Variants in METTL9 observed in about 807,000 individuals in gnomAD.
METTL9 encodes the protein methyltransferase 9, His-X-His N1(pi)-histidine.
In METTL9, 10 loss-of-function variants were observed where a neutral mutation model predicts 36.0. That is an observed-to-expected ratio of 0.28 (90% CI 0.17 to 0.47). The LOEUF is 0.47. Among genes scored for constraint, METTL9 ranks in the 20% least tolerant of loss-of-function variants. The pLI is 0.99. For missense variants in METTL9, 246 were observed against 383.5 expected (o/e 0.64, Z 3.00); for synonymous variants, 175 against 149.7 (o/e 1.17, Z -1.23).
chr16:21,613,833 GTT>G lies in METTL9; in HGVS notation c.356+1011_356+1012del, dbSNP rs11326723. Among the ~76,000 whole-genome samples, 29 of 134,040 alleles carry G rather than the reference GTT, an allele frequency of 2.2e-4. 1 individual carries two copies. Among genetic ancestry groups the G allele is most frequent in the Admixed American group, 3.0e-4 (4 of 13,400 alleles). The allele number at this position is 134,040 out of a possible 152,430, so 87.9% of individuals were successfully genotyped here. A position where few individuals can be genotyped will look rare whatever the true frequency, so the allele number is the denominator to read the frequency against. On this transcript the variant is annotated intron_variant, in intron 2 of 4. Transcript: ENST00000358154. ...AGAAAAAGCTTTAGGAGTTTTTTTT[GTT>G]TTTTTTTTTTTTCAATCCTTTCTTG...
intron 2 of METTL9, among the ~76,000 whole-genome samples, chr16:21,614,907 T>C (rs1965515339): frequency 6.6e-6 from 1 of 152,192 alleles, no homozygotes; most frequent in African/African-American, 2.4e-5. Flanking sequence ...TCATGGTTTG[T>C]GTTTATGGGA....
Position 21,640,660 on chromosome 16 carries a change from G to A in METTL9, c.752-14567G>A, listed in dbSNP as rs1055784181. The A allele has an allele frequency of 2.7e-5, 4 of 150,692 alleles. No homozygotes were observed. In the East Asian group the frequency reaches 7.8e-4, roughly 29 times the overall value. The allele number at this position is 150,692 out of a possible 1,614,324, so 9.3% of individuals were successfully genotyped here. ...TGCGTACCTGTAATCCCAGCTACTTGGGAAACTGAGGCAGAAGAATGGCAT... is the reference window on the plus strand; with the variant it reads ...TGCGTACCTGTAATCCCAGCTACTTAGGAAACTGAGGCAGAAGAATGGCAT... On this transcript the variant is annotated intron_variant, in intron 4 of 4. Transcript: ENST00000358154.
At chr16:21,617,272 G>A (rs1239573090) in intron 2 of METTL9, among the ~76,000 whole-genome samples, 1 of 151,746 alleles carries the variant, frequency 6.6e-6, no homozygotes, top group African/African-American at 2.4e-5. Context: ...CAAAAAATTA[G>A]TCAGGTGTGG....
chr16:21,602,463 G>T (rs1198784329), intron 1 of METTL9, among the ~76,000 whole-genome samples: 3 of 152,130 alleles, frequency 2.0e-5, no homozygotes, highest in African/African-American at 7.2e-5. Flanking sequence ...TTCACTTTGG[G>T]CAAGCAAGAA....
At chr16:21,624,012 G>A (rs941169069) in intron 3 of METTL9, among the ~76,000 whole-genome samples, 23 of 152,054 alleles carry the variant, frequency 1.5e-4, no homozygotes, top group Non-Finnish European at 2.9e-4. Context: ...CTCATGATCC[G>A]CCTGCCTTGG....
chr16:21,622,141 C>CTTTTTTTTTTT (rs541282506), intron 3 of METTL9, among the ~76,000 whole-genome samples: 400 of 34,916 alleles, frequency 0.011, 106 homozygotes, highest in African/African-American at 0.02. Context: ...CATGCCTGGC[C>CTTTTTTTTTTT]TTTTTTTTTT....
intron 4 of METTL9, among the ~76,000 whole-genome samples, chr16:21,626,119 G>T (rs947031473): frequency 2.6e-5 from 4 of 152,072 alleles, no homozygotes; most frequent in African/African-American, 9.7e-5. Flanking sequence ...GACCAGGCTG[G>T]TCTCTAACTC....
chr16:21,624,497 CA>C (rs1965776329), intron 3 of METTL9, among the ~76,000 whole-genome samples: 1 of 152,086 alleles, frequency 6.6e-6, no homozygotes, highest in African/African-American at 2.4e-5. Flanking sequence ...GAGGCCGAGG[CA>C]GTCGGATCGC....
intron 4 of METTL9, chr16:21,647,521 ATGGGCCTGCCACCTCACTT>A (rs747653210): frequency 6.3e-7 from 1 of 1,585,344 alleles, no homozygotes; most frequent in South Asian, 1.1e-5. Context: ...GAGTGGGTTA[ATGGGCCTGCCACCTCACTT>A]TGTGCTTTTA....
Position 21,599,813 on chromosome 16 carries a change from C to A in METTL9, c.80C>A (p.Pro27Gln), listed in dbSNP as rs912336081. ...CGGAGGATGTGGACGCTGCGGAGCCCGCTCACCCGCTCCCTGTACGTGAAC... is the reference window on the plus strand; with the variant it reads ...CGGAGGATGTGGACGCTGCGGAGCCAGCTCACCCGCTCCCTGTACGTGAAC... ...LARRMWTLRS[P>Q]LTRSLYVNMT... is the part of the protein sequence containing the mutation. Residue 27 changes from proline to glutamine, a missense_variant, in exon 1 of 5, where the codon CCG (proline) becomes CAG (glutamine). Around this residue, in one of 2 missense-constraint regions of METTL9, gnomAD observed 100 missense variants for 81.4 expected, o/e 1.23. Transcript: ENST00000358154. The surrounding 1 kb of genome is among the most constrained non-coding windows in gnomAD (Gnocchi z 4.4). 5.2e-6 allele frequency: 8 copies of A among 1,546,006 alleles called. No homozygotes were observed. The highest frequency in any genetic ancestry group is 2.7e-5 in the East Asian group (1 of 37,598).
chr16:21,630,375 G>C (rs373047688), intron 4 of METTL9, among the ~76,000 whole-genome samples: 1 of 152,230 alleles, frequency 6.6e-6, no homozygotes, highest in South Asian at 2.1e-4. Flanking sequence ...CTCTGGCCTC[G>C]GCCAGCCCCA....
chr16:21,614,487 T>G (rs1385613930), intron 2 of METTL9, among the ~76,000 whole-genome samples: 1 of 152,200 alleles, frequency 6.6e-6, no homozygotes, highest in Non-Finnish European at 1.5e-5. Context: ...TAAACCCCTT[T>G]TGGCTTCCCT....
Position 21,612,984 on chromosome 16 carries a change from C to T in METTL9, c.356+149C>T. 7.5e-6 allele frequency: 5 copies of T among 668,554 alleles called. No individual in the cohort carries two copies. The South Asian group carries it at 1.1e-4, about 15-fold the overall frequency. 41.4% of individuals were successfully genotyped at this position (668,554 alleles called of 1,614,324 possible). On this transcript the variant is annotated intron_variant, in intron 2 of 4. Coordinates refer to ENST00000358154, the MANE Select transcript of METTL9 (RefSeq NM_016025.5). ...GAACCTTGGCAGTTGGTCCAGCGTT[C>T]TATCTTTCTGTGGTTCTGCCCTTTA... is the stretch of plus-strand genomic sequence containing the variant.
chr16:21,628,935 G>A (rs1405198235), intron 4 of METTL9, among the ~76,000 whole-genome samples: 1 of 149,470 alleles, frequency 6.7e-6, no homozygotes, highest in East Asian at 2.0e-4. Flanking sequence ...TGTCACCGAG[G>A]ATGGAATGTG....
chr16:21,650,662 T>C (rs1433380261), intron 4 of METTL9, among the ~76,000 whole-genome samples: 3 of 152,190 alleles, frequency 2.0e-5, no homozygotes, highest in African/African-American at 4.8e-5. Context: ...CCAATTAGGC[T>C]ATGTGTGGGA....
At chr16:21,641,875 CTTG>C (rs1357065996) in intron 4 of METTL9, among the ~76,000 whole-genome samples, 3 of 152,124 alleles carry the variant, frequency 2.0e-5, no homozygotes, top group African/African-American at 7.2e-5. Context: ...ATACCTCGGC[CTTG>C]TTGTTGAAAA....
upstream of METTL9, chr16:21,599,539 G>A: frequency 7.9e-6 from 10 of 1,272,226 alleles, no homozygotes; most frequent in South Asian, 2.2e-4. This position sits in a 1 kb window ranked among gnomAD's most constrained non-coding sequence, Gnocchi z 4.4. Context: ...GCGGCCGGAA[G>A]GGAAGGGGGA....
chr16:21,599,383 A>T, upstream of METTL9: 1 of 1,060,404 alleles, frequency 9.4e-7, no homozygotes, highest in Non-Finnish European at 1.1e-6. The surrounding 1 kb of genome is among the most constrained non-coding windows in gnomAD (Gnocchi z 4.4). Context: ...GGGACACGAG[A>T]ACGCGCTCCG....
At chr16:21,652,796 C>CT (rs893287891) in intron 4 of METTL9, 2,773 of 422,324 alleles carry the variant, frequency 6.6e-3, no homozygotes, top group South Asian at 0.011. Context: ...ATGTGCATAT[C>CT]TTTTTTTTTT....
Sources: gnomAD v4.1 joint callset for allele counts (sites outside exome capture counted in the v4.1 genomes callset) on GRCh38, gnomAD v4.1.1 for gene constraint, gnomAD v4.1.1 regional missense constraint, Gnocchi (gnomAD v3.1) non-coding constraint, MANE v1.5 for transcripts, NCBI Gene and HGNC (gene_info 2026-07-23, HGNC 2026-07-21) for gene names.